STK10: variants seen among roughly 807,000 people sequenced by gnomAD.
STK10 encodes the protein serine/threonine-protein kinase 10.
A neutral mutation model predicts 113.8 loss-of-function variants in STK10; 78 were observed. The observed-to-expected ratio is 0.69, with a 90% CI of 0.57 to 0.83. The LOEUF is 0.83. Among genes scored for constraint, STK10 ranks in the 40% least tolerant of loss-of-function variants. The pLI is 0.00. For missense variants in STK10, 1,109 were observed against 1,280.1 expected, an observed-to-expected ratio of 0.87 and a Z score of 2.04; for synonymous variants, 465 against 494.7, an observed-to-expected ratio of 0.94 and a Z score of 0.80.
At chr5:172,083,631 GGTGTGGTGGCTC>G (rs1768482816) in intron 10 of STK10, among the ~76,000 whole-genome samples, 1 of 152,090 alleles carries the variant, frequency 6.6e-6, no homozygotes, top group Non-Finnish European at 1.5e-5. Flanking sequence ...TATTCAGCTG[GGTGTGGTGGCTC>G]ACACCTGTAA....
intron 1 of STK10, among the ~76,000 whole-genome samples, chr5:172,165,709 G>A (rs1242188718): frequency 1.3e-5 from 2 of 152,206 alleles, no homozygotes; most frequent in African/African-American, 2.4e-5. Flanking sequence ...ACAGTCATTG[G>A]TTCAGAGATG....
chr5:172,063,270 T>C (rs915722287), intron 13 of STK10, among the ~76,000 whole-genome samples: 2 of 150,918 alleles, frequency 1.3e-5, no homozygotes, highest in South Asian at 4.2e-4. Flanking sequence ...AAAAAAAAAC[T>C]GGGATGAAAC....
At chr5:172,162,857 A>G (rs765796786) in intron 1 of STK10, among the ~76,000 whole-genome samples, 3 of 152,166 alleles carry the variant, frequency 2.0e-5, no homozygotes, top group Non-Finnish European at 4.4e-5. Flanking sequence ...GGTGGGGACC[A>G]TTTTCCAGGA....
chr5:172,057,325 G>A lies in STK10; in HGVS notation c.2337+24C>T, dbSNP rs780643659. The A allele has an allele frequency of 3.2e-6, 5 of 1,576,992 alleles. No individual in the cohort carries two copies. In the Admixed American group the frequency reaches 8.9e-5, roughly 28 times the overall value. ...CAGGTCGGCCCGGCAGCAGATCCGA[G>A]CCCCGTGCCACCGGCAGCCTCACCT... On this transcript the variant is annotated intron_variant, in intron 15 of 18. Coordinates refer to ENST00000176763, the MANE Select transcript of STK10 (RefSeq NM_005990.4).
At chr5:172,067,386 T>C (rs1037456244) in intron 12 of STK10, among the ~76,000 whole-genome samples, 2 of 61,332 alleles carry the variant, frequency 3.3e-5, no homozygotes, top group Non-Finnish European at 6.9e-5. Flanking sequence ...AATAAATAAA[T>C]AAATAAATAA....
intron 7 of STK10, among the ~76,000 whole-genome samples, chr5:172,101,455 G>A (rs1433126058): frequency 6.7e-6 from 1 of 148,286 alleles, no homozygotes; most frequent in African/African-American, 2.5e-5. Context: ...TGGCAACAGA[G>A]CGAGACTCCG....
chr5:172,047,431 G>A (rs115747420), intron 18 of STK10, among the ~76,000 whole-genome samples: 3 of 152,336 alleles, frequency 2.0e-5, no homozygotes, highest in Admixed American at 6.5e-5. Flanking sequence ...CCAGGTGGAC[G>A]TTCATTTCCT....
chr5:172,119,930 G>A (rs1328329349), intron 3 of STK10, among the ~76,000 whole-genome samples: 1 of 152,120 alleles, frequency 6.6e-6, no homozygotes, highest in African/African-American at 2.4e-5. Context: ...AGCTTGCTGG[G>A]CAGCAGGGGC....
intron 15 of STK10, chr5:172,056,990 AGAAAGAGAAAGAAG>A (rs1199549080): frequency 0.034 from 3,307 of 97,764 alleles, 113 homozygotes; most frequent in African/African-American, 0.066. Flanking sequence ...AAAGAAAGAA[AGAAAGAGAAAGAAG>A]GAAAGAAAGA....
intron 2 of STK10, among the ~76,000 whole-genome samples, chr5:172,137,771 T>C (rs1156869142): frequency 1.4e-5 from 2 of 147,204 alleles, no homozygotes; most frequent in African/African-American, 5.0e-5. Context: ...CGGGCGCCTG[T>C]AGTCCCAGCT....
intron 13 of STK10, among the ~76,000 whole-genome samples, chr5:172,062,813 G>A (rs1767964100): frequency 6.6e-6 from 1 of 152,248 alleles, no homozygotes; most frequent in Admixed American, 6.5e-5. Flanking sequence ...TCTGGAGATA[G>A]ATGGCGGAGA....
At chr5:172,150,155 G>A (rs1010573643) in intron 2 of STK10, among the ~76,000 whole-genome samples, 1 of 151,544 alleles carries the variant, frequency 6.6e-6, no homozygotes, top group African/African-American at 2.4e-5. Context: ...AGCTCATCTC[G>A]GGTCACACAG....
rs145425293 is a variant in STK10 at position 172,152,943 on chromosome 5, T to C, written c.321+3681A>G. On this transcript the variant is annotated intron_variant, in intron 2 of 18. Transcript: ENST00000176763. ...AAATAAATTATATTATGGAAACTAATTTCATCTGTTTCTTTTTGCTCTTTT... is the reference window on the plus strand; with the variant it reads ...AAATAAATTATATTATGGAAACTAACTTCATCTGTTTCTTTTTGCTCTTTT... Among the ~76,000 whole-genome samples, 620 of 152,318 alleles carry C rather than the reference T, an allele frequency of 4.1e-3. 1 individual carries two copies. Among genetic ancestry groups the C allele is most frequent in the Middle Eastern group, 6.8e-3 (2 of 294 alleles).
intron 12 of STK10, among the ~76,000 whole-genome samples, chr5:172,068,816 C>T (rs1312085104): frequency 6.6e-6 from 1 of 150,958 alleles, no homozygotes; most frequent in Non-Finnish European, 1.5e-5. Context: ...ACCCAGGAGG[C>T]AGAGGTTGCA....
Position 172,187,932 on chromosome 5 carries a change from C to T in STK10, c.111G>A (p.Glu37=). Reference sequence around the variant, plus strand: ...CGCCGTCGCCCAGCTCGCCCACGATCTCCCACACCTCGTTGGGGTCCAGGT... The same window carrying T: ...CGCCGTCGCCCAGCTCGCCCACGATTTCCCACACCTCGTTGGGGTCCAGGT... The part of the protein sequence containing the change: ...RRDLDPNEVW[E]IVGELGDGAF... The change falls in exon 1 of 19, where the codon GAG becomes GAA. Residue 37 remains glutamate (E), a synonymous_variant. Transcript: ENST00000176763. The surrounding 1 kb of genome is among the most constrained non-coding windows in gnomAD (Gnocchi z 4.6). 6.2e-7 allele frequency: 1 copy of T among 1,613,566 alleles called. No homozygotes were observed. The highest frequency in any genetic ancestry group is 8.5e-7 in the Non-Finnish European group (1 of 1,179,824).
chr5:172,151,231 G>A (rs994494686), intron 2 of STK10, among the ~76,000 whole-genome samples: 2 of 152,232 alleles, frequency 1.3e-5, no homozygotes, highest in African/African-American at 4.8e-5. Flanking sequence ...AGAAAACTGA[G>A]GCACAAGGAC....
chr5:172,102,954 T>A (rs1441657569), intron 7 of STK10, among the ~76,000 whole-genome samples: 1 of 152,116 alleles, frequency 6.6e-6, no homozygotes, highest in Non-Finnish European at 1.5e-5. Context: ...CATGTCTGAT[T>A]TCAGAGCCTG....
At chr5:172,145,863 C>G (rs773015566) in intron 2 of STK10, among the ~76,000 whole-genome samples, 2 of 152,188 alleles carry the variant, frequency 1.3e-5, no homozygotes, top group East Asian at 3.9e-4. Flanking sequence ...GTAGCATGTC[C>G]ATGCTGTGTC....
At chr5:172,139,763 C>T (rs1423942468) in intron 2 of STK10, among the ~76,000 whole-genome samples, 3 of 151,826 alleles carry the variant, frequency 2.0e-5, no homozygotes, top group Non-Finnish European at 4.4e-5. Flanking sequence ...GCACTGAAAA[C>T]TACAAATTGT....
Sources: gnomAD v4.1 joint callset for allele counts (sites outside exome capture counted in the v4.1 genomes callset) on GRCh38, gnomAD v4.1.1 for gene constraint, Gnocchi (gnomAD v3.1) non-coding constraint, MANE v1.5 for transcripts, NCBI Gene and HGNC (gene_info 2026-07-23, HGNC 2026-07-21) for gene names.